Variants in GPR176 observed in about 807,000 individuals in gnomAD.
The protein encoded by GPR176 is G-protein coupled receptor 176.
Under a neutral mutation model 35.4 loss-of-function variants are expected in GPR176, and 26 were observed. The ratio of observed to expected loss-of-function variants is 0.74; its 90% CI spans 0.54 to 1.02. The LOEUF is 1.02. GPR176 is among the 50% of genes least tolerant of loss of function. GPR176 has a pLI of 0.00. For missense variants in GPR176, 597 were observed against 665.3 expected, an observed-to-expected ratio of 0.90 and a Z score of 1.13; for synonymous variants, 278 against 271.3, an observed-to-expected ratio of 1.02 and a Z score of -0.24.
intron 1 of GPR176, among the ~76,000 whole-genome samples, chr15:39,910,379 G>A (rs1049350075): frequency 6.6e-6 from 1 of 152,080 alleles, no homozygotes; most frequent in Non-Finnish European, 1.5e-5. Context: ...CCTGAAGTCA[G>A]TAGTTTAAGA....
chr15:39,865,372 C>A (rs1350313003), intron 1 of GPR176, among the ~76,000 whole-genome samples: 1 of 152,088 alleles, frequency 6.6e-6, no homozygotes, highest in African/African-American at 2.4e-5. Flanking sequence ...TTCAACCATA[C>A]AATACAATGA....
intron 1 of GPR176, among the ~76,000 whole-genome samples, chr15:39,830,365 A>G (rs1323798101): frequency 6.6e-6 from 1 of 152,256 alleles, no homozygotes; most frequent in Non-Finnish European, 1.5e-5. Flanking sequence ...AGTATTTACT[A>G]AACAAATGAT....
intron 1 of GPR176, among the ~76,000 whole-genome samples, chr15:39,851,951 C>T (rs2030903158): frequency 6.6e-6 from 1 of 152,084 alleles, no homozygotes; most frequent in South Asian, 2.1e-4. Context: ...GCTATCAGCT[C>T]CTGAACAGTC....
intron 1 of GPR176, among the ~76,000 whole-genome samples, chr15:39,890,275 ATT>A (rs1309454119): frequency 6.6e-6 from 1 of 152,230 alleles, no homozygotes; most frequent in Non-Finnish European, 1.5e-5. Flanking sequence ...GTGCCAACTT[ATT>A]TTGTAAAAAT....
intron 1 of GPR176, among the ~76,000 whole-genome samples, chr15:39,857,215 A>G (rs185324522): frequency 2.0e-4 from 30 of 152,348 alleles, no homozygotes; most frequent in African/African-American, 7.2e-4. Context: ...AAGTCCATGA[A>G]TGTTCAGAGA....
At chr15:39,894,955 G>A (rs1003911178) in intron 1 of GPR176, among the ~76,000 whole-genome samples, 3 of 152,150 alleles carry the variant, frequency 2.0e-5, no homozygotes, top group Non-Finnish European at 4.4e-5. Context: ...AGCACTGAGT[G>A]AACGAGACTC....
At chr15:39,829,103 C>T in intron 1 of GPR176, 1 of 1,247,374 alleles carries the variant, frequency 8.0e-7, no homozygotes, top group Non-Finnish European at 1.1e-6. Flanking sequence ...AAATAAGAAG[C>T]AGTGGAGCTG....
At chr15:39,825,478 A>G (rs567338541) in intron 1 of GPR176, among the ~76,000 whole-genome samples, 1 of 152,166 alleles carries the variant, frequency 6.6e-6, no homozygotes, top group South Asian at 2.1e-4. Flanking sequence ...ATTTACAGAC[A>G]TATGGTATTA....
At chr15:39,833,290 T>A (rs902512281) in intron 1 of GPR176, among the ~76,000 whole-genome samples, 1 of 152,180 alleles carries the variant, frequency 6.6e-6, no homozygotes, top group African/African-American at 2.4e-5. Flanking sequence ...GAAAATATGG[T>A]ATAATCATAC....
chr15:39,811,765 A>C (rs1039177875), intron 1 of GPR176, among the ~76,000 whole-genome samples: 1 of 152,036 alleles, frequency 6.6e-6, no homozygotes, highest in Non-Finnish European at 1.5e-5. Flanking sequence ...AAATACAAAA[A>C]ATTAGCCGGG....
At chr15:39,839,794 C>T (rs1322549820) in intron 1 of GPR176, among the ~76,000 whole-genome samples, 18 of 152,244 alleles carry the variant, frequency 1.2e-4, no homozygotes, top group Admixed American at 1.0e-3. Context: ...AAAAATCAAA[C>T]AACCCCATCA....
At chr15:39,880,025 G>T (rs569903789) in intron 1 of GPR176, among the ~76,000 whole-genome samples, 2 of 152,288 alleles carry the variant, frequency 1.3e-5, no homozygotes, top group Admixed American at 1.3e-4. Flanking sequence ...ATCAACAAAT[G>T]AACTTAACCT....
At chr15:39,815,883 ATG>A (rs1232655009) in intron 1 of GPR176, among the ~76,000 whole-genome samples, 13 of 152,198 alleles carry the variant, frequency 8.5e-5, no homozygotes, top group African/African-American at 2.9e-4. Context: ...GATCACCAAG[ATG>A]TGGAATCAAC....
At chr15:39,854,384 T>G (rs917964724) in intron 1 of GPR176, among the ~76,000 whole-genome samples, 2 of 152,162 alleles carry the variant, frequency 1.3e-5, no homozygotes, top group Admixed American at 6.5e-5. Context: ...TCTCTAATAC[T>G]ATATCATAAG....
At chr15:39,840,009 T>C (rs1901645293) in intron 1 of GPR176, among the ~76,000 whole-genome samples, 1 of 152,100 alleles carries the variant, frequency 6.6e-6, no homozygotes, top group Non-Finnish European at 1.5e-5. Flanking sequence ...TGTGGAGAAA[T>C]AGGAATGCTT....
At chr15:39,887,783 T>C (rs2032725881) in intron 1 of GPR176, among the ~76,000 whole-genome samples, 1 of 152,070 alleles carries the variant, frequency 6.6e-6, no homozygotes, top group Non-Finnish European at 1.5e-5. Flanking sequence ...GAATCCTAAA[T>C]CCTCTTCCAG....
chr15:39,868,925 C>A (rs577507391), intron 1 of GPR176, among the ~76,000 whole-genome samples: 1 of 151,420 alleles, frequency 6.6e-6, no homozygotes, highest in Non-Finnish European at 1.5e-5. Context: ...CTGAGGTCAC[C>A]GGAAATGGGA....
chr15:39,812,351 A>G (rs1899623481), intron 1 of GPR176, among the ~76,000 whole-genome samples: 1 of 152,220 alleles, frequency 6.6e-6, no homozygotes, highest in East Asian at 1.9e-4. Flanking sequence ...AAGCAGCAGA[A>G]AAACGTGGAA....
At chr15:39,847,333 C>A (rs115347861) in intron 1 of GPR176, among the ~76,000 whole-genome samples, 1 of 152,066 alleles carries the variant, frequency 6.6e-6, no homozygotes, top group Admixed American at 6.6e-5. Flanking sequence ...AAGAGATTAA[C>A]AGAGGGGATC....
Sources: allele counts gnomAD v4.1 joint callset (sites outside exome capture counted in the v4.1 genomes callset), GRCh38; gene constraint gnomAD v4.1.1; transcripts MANE v1.5; gene names NCBI Gene and HGNC (gene_info 2026-07-23, HGNC 2026-07-21).